The following NAV2 variants were observed in gnomAD, a reference collection of about 807,000 sequenced individuals.
NAV2 encodes the protein neuron navigator 2.
In NAV2, 54 loss-of-function variants were observed where a neutral mutation model predicts 223.2. That is an observed-to-expected ratio of 0.24 (90% CI 0.19 to 0.30). The LOEUF (loss-of-function observed/expected upper bound fraction) is 0.30. NAV2 is among the 10% of genes least tolerant of loss of function. The probability of loss-of-function intolerance (pLI) is 1.00; values close to 1 mark genes in which losing one functional copy is unlikely to be tolerated. For synonymous variants in NAV2, 1,279 were observed against 1,239.3 expected, an observed-to-expected ratio of 1.03 and a Z score of -0.67; for missense variants, 2,806 against 3,147.5, an observed-to-expected ratio of 0.89 and a Z score of 2.60.
At chr11:19,863,697 C>T (rs1158720449) in intron 3 of NAV2, among the ~76,000 whole-genome samples, 1 of 152,164 alleles carries the variant, frequency 6.6e-6, no homozygotes, top group Non-Finnish European at 1.5e-5. Context: ...CCTGTGTACA[C>T]GTTCCCAACA....
At chr11:19,914,212 C>A (rs1009492778) in intron 6 of NAV2, among the ~76,000 whole-genome samples, 1 of 152,208 alleles carries the variant, frequency 6.6e-6, no homozygotes, top group Admixed American at 6.5e-5. Context: ...TTGGAGAACT[C>A]ACATGTGGAA....
intron 1 of NAV2, among the ~76,000 whole-genome samples, chr11:19,574,091 A>G (rs1231273753): frequency 6.6e-6 from 1 of 152,184 alleles, no homozygotes; most frequent in African/African-American, 2.4e-5. Context: ...AGGATGTTGG[A>G]CAAGAGTTGG....
rs73422555 is a variant in NAV2, at chr11:19,700,915, C to T, written c.76-131569C>T. Among the ~76,000 whole-genome samples the T allele has an allele frequency of 4.3e-3, 654 of 152,314 alleles. 2 individuals are homozygous for T. Among genetic ancestry groups the T allele is most frequent in the African/African-American group, 0.015 (615 of 41,562 alleles). On this transcript the variant is annotated intron_variant, in intron 1 of 37. Coordinates refer to the NAV2 transcript ENST00000360655. ...CCCAGCATTTGGTAGCAACATAAAA[C>T]GCTATTAGAATGAATGAATGAGTGT...
At chr11:20,080,598 C>T (rs966799481) in intron 25 of NAV2, among the ~76,000 whole-genome samples, 2 of 152,080 alleles carry the variant, frequency 1.3e-5, no homozygotes, top group African/African-American at 4.8e-5. Context: ...CTAGTTATCC[C>T]ATCTTTAGCC....
At chr11:19,921,484 C>G (rs2044267256) in intron 6 of NAV2, among the ~76,000 whole-genome samples, 1 of 152,310 alleles carries the variant, frequency 6.6e-6, no homozygotes, top group African/African-American at 2.4e-5. Flanking sequence ...TAAAAAGAAC[C>G]TCCTGGAGGG....
intron 1 of NAV2, among the ~76,000 whole-genome samples, chr11:19,442,935 C>T (rs1334473503): frequency 6.6e-6 from 1 of 152,096 alleles, no homozygotes; most frequent in Non-Finnish European, 1.5e-5. Context: ...AAATGTGGTC[C>T]CTTTTAGGAT....
At chr11:20,102,926 T>C (rs930152702) in intron 32 of NAV2, among the ~76,000 whole-genome samples, 4 of 152,176 alleles carry the variant, frequency 2.6e-5, no homozygotes, top group Admixed American at 6.5e-5. Context: ...GCTGCTCTGA[T>C]GTGTAGAGGG....
At chr11:19,882,062 C>G (rs1295997402) in intron 5 of NAV2, among the ~76,000 whole-genome samples, 1 of 152,114 alleles carries the variant, frequency 6.6e-6, no homozygotes, top group Admixed American at 6.5e-5. Flanking sequence ...GGTTTGGACT[C>G]CATTCTAAGG....
intron 4 of NAV2, among the ~76,000 whole-genome samples, chr11:19,870,743 T>A (rs1457164899): frequency 6.6e-6 from 1 of 152,218 alleles, no homozygotes; most frequent in Non-Finnish European, 1.5e-5. Flanking sequence ...AGTTTATAGA[T>A]GAAGAAACTT....
At chr11:19,614,797 T>C (rs566487058) in intron 1 of NAV2, among the ~76,000 whole-genome samples, 102 of 152,276 alleles carry the variant, frequency 6.7e-4, no homozygotes, top group African/African-American at 2.4e-3. Flanking sequence ...TAGAACTCTA[T>C]AGAGTGAATG....
rs968179448 is a variant in NAV2, at chr11:19,457,159, A to C, written c.75+106132A>C. On this transcript the variant is annotated intron_variant, in intron 1 of 37. Transcript: ENST00000360655. ...CTCATAGAGTTTATACTCTAAATGG[A>C]GAAGAAAAACAATAGCAAAATTTAA... 2.6e-5 allele frequency among the ~76,000 whole-genome samples: 4 copies of C among 152,368 alleles called. 1 individual carries two copies. The South Asian group carries it at 8.3e-4, about 32-fold the overall frequency.
chr11:19,452,851 A>G (rs1223373890), intron 1 of NAV2, among the ~76,000 whole-genome samples: 2 of 152,136 alleles, frequency 1.3e-5, no homozygotes, highest in Non-Finnish European at 2.9e-5. Flanking sequence ...TAAGTCAGGG[A>G]CCCTCTGTAT....
At chr11:19,406,667 C>G (rs1422892560) in intron 1 of NAV2, among the ~76,000 whole-genome samples, 1 of 152,118 alleles carries the variant, frequency 6.6e-6, no homozygotes, top group Admixed American at 6.6e-5. Context: ...ATTAACTAAG[C>G]TTTTTGTTCT....
chr11:19,792,617 C>G (rs1248758456), intron 1 of NAV2, among the ~76,000 whole-genome samples: 1 of 152,222 alleles, frequency 6.6e-6, no homozygotes, highest in East Asian at 1.9e-4. Flanking sequence ...TTACAGAACT[C>G]ACTCAGACTC....
At chr11:19,607,697 G>A (rs2046519640) in intron 1 of NAV2, among the ~76,000 whole-genome samples, 1 of 152,192 alleles carries the variant, frequency 6.6e-6, no homozygotes, top group African/African-American at 2.4e-5. Flanking sequence ...TTGAGGGACA[G>A]GGAAGTAAAC....
At chr11:19,708,217 T>A (rs1416499483), upstream of NAV2, among the ~76,000 whole-genome samples, 2 of 152,170 alleles carry the variant, frequency 1.3e-5, no homozygotes, top group Non-Finnish European at 2.9e-5. Context: ...CTCACTTCTC[T>A]GCAGTATGAG....
At chr11:19,610,649 G>T (rs2046611783) in intron 1 of NAV2, among the ~76,000 whole-genome samples, 1 of 152,248 alleles carries the variant, frequency 6.6e-6, no homozygotes, top group Non-Finnish European at 1.5e-5. Context: ...CTTCAGAGCA[G>T]CAGAATGTGG....
chr11:19,868,193 T>C (rs1253811742), intron 3 of NAV2, among the ~76,000 whole-genome samples: 1 of 152,232 alleles, frequency 6.6e-6, no homozygotes, highest in Admixed American at 6.5e-5. Context: ...CTTTTACTTA[T>C]GGTACCCGTT....
In NAV2 at chr11:19,832,470, TG is replaced by T; in HGVS notation, c.268-13del. 1.9e-6 allele frequency: 3 copies of T among 1,578,990 alleles called. No homozygotes were observed. The Admixed American group carries it at 5.3e-5, about 28-fold the overall frequency. ...GACTGGCTTCCTAAAGTTGCCTGTT[TG>T]CTTTTTTTACAGATCTACACAGACT... is the stretch of plus-strand genomic sequence containing the variant. On this transcript the variant is annotated splice_polypyrimidine_tract_variant and intron_variant, in intron 1 of 37. Coordinates refer to ENST00000349880, the MANE Select transcript of NAV2 (RefSeq NM_145117.5).
Sources: allele counts gnomAD v4.1 joint callset (sites outside exome capture counted in the v4.1 genomes callset), GRCh38; gene constraint gnomAD v4.1.1; transcripts MANE v1.5; gene names NCBI Gene and HGNC (gene_info 2026-07-23, HGNC 2026-07-21).